ZNF804B: variants seen among roughly 807,000 people sequenced by gnomAD.
ZNF804B encodes the protein zinc finger 804B.
A neutral mutation model predicts 101.4 loss-of-function variants in ZNF804B; 80 were observed. The observed-to-expected ratio is 0.79, with a 90% CI of 0.66 to 0.95. The LOEUF is 0.95. Ranked by LOEUF, ZNF804B falls within the 40% of genes least tolerant of loss-of-function variation. ZNF804B has a pLI of 0.00. For missense variants in ZNF804B, 1,673 were observed against 1,561.9 expected, an observed-to-expected ratio of 1.07 and a Z score of -1.20; for synonymous variants, 622 against 558.8, an observed-to-expected ratio of 1.11 and a Z score of -1.59.
chr7:88,998,568 T>C (rs1441718006), intron 1 of ZNF804B, among the ~76,000 whole-genome samples: 1 of 152,080 alleles, frequency 6.6e-6, no homozygotes, highest in Non-Finnish European at 1.5e-5. Flanking sequence ...TGTTAAGATG[T>C]AGATTCCTGA....
At chr7:88,792,012 T>C (rs746242303) in intron 1 of ZNF804B, among the ~76,000 whole-genome samples, 12 of 152,072 alleles carry the variant, frequency 7.9e-5, no homozygotes, top group African/African-American at 1.2e-4. Context: ...ATAGGGGCTG[T>C]TGGCTGCGAC....
chr7:89,001,810 T>C (rs1216077991), intron 1 of ZNF804B, among the ~76,000 whole-genome samples: 1 of 151,912 alleles, frequency 6.6e-6, no homozygotes, highest in African/African-American at 2.4e-5. Context: ...TGAAGATATA[T>C]GTAATGGAAT....
chr7:88,890,617 G>A (rs1191579884), intron 1 of ZNF804B, among the ~76,000 whole-genome samples: 1 of 152,068 alleles, frequency 6.6e-6, no homozygotes, highest in Non-Finnish European at 1.5e-5. Flanking sequence ...GGATGTTTAA[G>A]CATTTTATTG....
At chr7:88,998,422 A>C (rs1788230458) in intron 1 of ZNF804B, among the ~76,000 whole-genome samples, 1 of 152,090 alleles carries the variant, frequency 6.6e-6, no homozygotes, top group Non-Finnish European at 1.5e-5. Context: ...CTGGATGGAA[A>C]TGTGCAAATG....
Position 89,287,099 on chromosome 7 carries a change from A to G in ZNF804B, c.250-40245A>G, listed in dbSNP as rs546873675. Reference sequence around the variant, plus strand: ...TTTTATTTTTCTTATAATTTTCTTGATAACAGTTTATTTTTCCAGCTTTAA... The same window carrying G: ...TTTTATTTTTCTTATAATTTTCTTGGTAACAGTTTATTTTTCCAGCTTTAA... On this transcript the variant is annotated intron_variant, in intron 2 of 3. Coordinates refer to ENST00000333190, the MANE Select transcript of ZNF804B (RefSeq NM_181646.5). 2.1e-3 allele frequency among the ~76,000 whole-genome samples: 315 copies of G among 152,256 alleles called. 1 individual carries two copies. The highest frequency in any genetic ancestry group is 7.2e-3 in the African/African-American group (299 of 41,552).
intron 1 of ZNF804B, among the ~76,000 whole-genome samples, chr7:88,894,024 A>G (rs1016710438): frequency 3.3e-5 from 5 of 152,164 alleles, no homozygotes; most frequent in African/African-American, 1.2e-4. Context: ...ATTAAGATAT[A>G]TGTATTTAAT....
intron 1 of ZNF804B, among the ~76,000 whole-genome samples, chr7:88,886,159 T>A (rs532404936): frequency 6.6e-6 from 1 of 152,002 alleles, no homozygotes; most frequent in Non-Finnish European, 1.5e-5. Context: ...AAAGGAGCAG[T>A]TGTACATTTA....
intron 1 of ZNF804B, among the ~76,000 whole-genome samples, chr7:89,206,420 T>G (rs1261479235): frequency 1.3e-5 from 2 of 152,186 alleles, no homozygotes; most frequent in African/African-American, 4.8e-5. Flanking sequence ...CTTGTAAACA[T>G]AAGCTCCATT....
At position 89,112,953 on chromosome 7, in the gene ZNF804B, T is replaced by G. The variant is rs748611464; in HGVS notation, c.109-105202T>G. On this transcript the variant is annotated intron_variant, in intron 1 of 3. Transcript: ENST00000333190. ...ATATAATCACCATGCAATTGAATAA[T>G]CAGATATGGAATACAGGGGCCTGGC... is the stretch of plus-strand genomic sequence containing the variant. Among the ~76,000 whole-genome samples, 165 of 152,152 alleles carry G rather than the reference T, an allele frequency of 1.1e-3. 2 individuals carry two copies. Among genetic ancestry groups the G allele is most frequent in the Admixed American group, 5.9e-4 (9 of 15,276 alleles).
intron 1 of ZNF804B, among the ~76,000 whole-genome samples, chr7:89,157,645 A>T (rs1296673096): frequency 6.6e-6 from 1 of 152,272 alleles, no homozygotes; most frequent in East Asian, 1.9e-4. Flanking sequence ...CCAGTCCAAA[A>T]GTGAATTTTA....
intron 2 of ZNF804B, among the ~76,000 whole-genome samples, chr7:89,285,288 C>T (rs931689380): frequency 2.0e-5 from 3 of 151,142 alleles, no homozygotes; most frequent in Admixed American, 6.6e-5. Context: ...TTTGGGAGCC[C>T]GAGGCGGGTG....
At chr7:89,235,341 G>C (rs1016348740) in intron 2 of ZNF804B, among the ~76,000 whole-genome samples, 5 of 152,070 alleles carry the variant, frequency 3.3e-5, no homozygotes, top group African/African-American at 1.2e-4. Context: ...TTATTGTCAA[G>C]TCTTCTCCAT....
intron 1 of ZNF804B, among the ~76,000 whole-genome samples, chr7:88,877,023 T>TA (rs1316858399): frequency 6.2e-4 from 45 of 72,822 alleles, no homozygotes; most frequent in African/African-American, 2.3e-3. Flanking sequence ...TATATATATA[T>TA]ATAATATATA....
At chr7:89,224,931 G>GA (rs1482980811) in intron 2 of ZNF804B, among the ~76,000 whole-genome samples, 1 of 151,998 alleles carries the variant, frequency 6.6e-6, no homozygotes, top group Non-Finnish European at 1.5e-5. Context: ...TCTCCTTACT[G>GA]AAAAATATAT....
At chr7:88,921,332 GGAGGGACCTGGGA>G (rs1792715870) in intron 1 of ZNF804B, among the ~76,000 whole-genome samples, 1 of 152,050 alleles carries the variant, frequency 6.6e-6, no homozygotes, top group Non-Finnish European at 1.5e-5. Context: ...CAGGTGAATA[GGAGGGACCTGGGA>G]CTCCAAAAGG....
intron 2 of ZNF804B, among the ~76,000 whole-genome samples, chr7:89,252,058 G>C (rs528042364): frequency 1.3e-5 from 2 of 152,050 alleles, no homozygotes; most frequent in Non-Finnish European, 2.9e-5. Flanking sequence ...TGACAAATGG[G>C]ATCTATTTAA....
At chr7:88,903,343 C>A (rs1792420369) in intron 1 of ZNF804B, among the ~76,000 whole-genome samples, 2 of 152,072 alleles carry the variant, frequency 1.3e-5, no homozygotes, top group Non-Finnish European at 1.5e-5. Context: ...TTTTCTTTAT[C>A]CAGTCCACCA....
At chr7:89,192,730 G>A (rs1444719168) in intron 1 of ZNF804B, among the ~76,000 whole-genome samples, 1 of 151,972 alleles carries the variant, frequency 6.6e-6, no homozygotes, top group Non-Finnish European at 1.5e-5. Context: ...TGTCCATGAT[G>A]AATATCAATG....
intron 2 of ZNF804B, among the ~76,000 whole-genome samples, chr7:89,319,425 C>T (rs73210807): frequency 0.033 from 5,010 of 152,208 alleles, 108 homozygotes; most frequent in Non-Finnish European, 0.053. Flanking sequence ...AAACCCTCAT[C>T]CAAAAACTTT....
Sources: allele counts gnomAD v4.1 joint callset (sites outside exome capture counted in the v4.1 genomes callset), GRCh38; gene constraint gnomAD v4.1.1; transcripts MANE v1.5; gene names NCBI Gene and HGNC (gene_info 2026-07-23, HGNC 2026-07-21).